The following GPHN variants were observed in gnomAD, a reference collection of about 807,000 sequenced individuals.
GPHN encodes the protein gephyrin.
GPHN carries 17 observed loss-of-function variants against 95.5 expected under a neutral mutation model. The observed-to-expected ratio is 0.18, with a 90% CI of 0.12 to 0.27. The LOEUF is 0.27. Ranked by LOEUF, GPHN falls within the 10% of genes least tolerant of loss-of-function variation. The probability of loss-of-function intolerance (pLI) is 1.00; values close to 1 mark genes in which losing one functional copy is unlikely to be tolerated. For synonymous variants in GPHN, 320 were observed against 322.5 expected (o/e 0.99, Z 0.08); for missense variants, 660 against 978.1 (o/e 0.67, Z 4.34).
chr14:67,208,896 C>CAA, the GPHN span, among the ~76,000 whole-genome samples: 4 of 65,704 alleles, frequency 6.1e-5, no homozygotes, highest in South Asian at 4.9e-4. Flanking sequence ...AACTCTGTCT[C>CAA]AAAAAAAAAA....
chr14:66,931,757 G>A (rs1474549233), intron 8 of GPHN, among the ~76,000 whole-genome samples: 2 of 152,140 alleles, frequency 1.3e-5, no homozygotes, highest in Non-Finnish European at 2.9e-5. Flanking sequence ...ATGATTCTGA[G>A]TTCATTCTCT....
chr14:67,676,454 G>A, the GPHN span, among the ~76,000 whole-genome samples: 242 of 152,150 alleles, frequency 1.6e-3, no homozygotes, highest in Non-Finnish European at 2.6e-3. Context: ...GCCTGGGGCC[G>A]GGTGCTGCGG....
chr14:67,255,166 C>T, the GPHN span, among the ~76,000 whole-genome samples: 38 of 151,724 alleles, frequency 2.5e-4, no homozygotes, highest in African/African-American at 8.0e-4. Context: ...AAAAAAAGTT[C>T]GAATCTCTTA....
chr14:67,641,277 A>T, the GPHN span, among the ~76,000 whole-genome samples: 1 of 152,224 alleles, frequency 6.6e-6, no homozygotes, highest in African/African-American at 2.4e-5. Flanking sequence ...CATCCCTAAG[A>T]TATCTCAATA....
chr14:67,276,743 A>G, the GPHN span, among the ~76,000 whole-genome samples: 2 of 152,134 alleles, frequency 1.3e-5, no homozygotes, highest in Non-Finnish European at 2.9e-5. Flanking sequence ...GGTTATAGAA[A>G]TTTTTCTGAG....
intron 2 of GPHN, among the ~76,000 whole-genome samples, chr14:66,715,432 T>G (rs934557478): frequency 6.6e-6 from 1 of 152,162 alleles, no homozygotes; most frequent in Non-Finnish European, 1.5e-5. Context: ...GAATCAGCTT[T>G]TTGTTTCATT....
At chr14:67,291,373 G>A in the GPHN span, among the ~76,000 whole-genome samples, 16 of 151,856 alleles carry the variant, frequency 1.1e-4, no homozygotes, top group Middle Eastern at 3.2e-3. Context: ...GATTACAGGC[G>A]CCTGCCACTG....
chr14:67,302,269 T>C, the GPHN span: 17 of 1,077,068 alleles, frequency 1.6e-5, no homozygotes, highest in African/African-American at 2.5e-4. Context: ...TAATTACAAT[T>C]ACTCTAGTTG....
intron 2 of GPHN, among the ~76,000 whole-genome samples, 182 bp from the exon 3 acceptor site, chr14:66,776,282 T>C (rs1380709363): frequency 6.6e-6 from 1 of 152,114 alleles, no homozygotes; most frequent in East Asian, 1.9e-4. Flanking sequence ...TAGTCATTCA[T>C]TATCTACCTC....
chr14:66,956,284 C>A (rs1193279385), intron 8 of GPHN, among the ~76,000 whole-genome samples: 1 of 152,116 alleles, frequency 6.6e-6, no homozygotes, highest in Non-Finnish European at 1.5e-5. Flanking sequence ...GTTATGTTTT[C>A]ATTTTTATTT....
the GPHN span, chr14:67,725,213 A>G: frequency 1.9e-5 from 31 of 1,613,850 alleles, no homozygotes; most frequent in Non-Finnish European, 2.5e-5. Flanking sequence ...GACCTATCCG[A>G]CACCAAATCT....
chr14:67,161,952 T>A (rs761292566), intron 19 of GPHN, among the ~76,000 whole-genome samples: 6 of 152,194 alleles, frequency 3.9e-5, no homozygotes, highest in Non-Finnish European at 8.8e-5. Flanking sequence ...TTCCTAACAT[T>A]TTATTTCCTC....
the GPHN span, among the ~76,000 whole-genome samples, chr14:67,259,112 G>A: frequency 6.6e-6 from 1 of 151,700 alleles, no homozygotes; most frequent in Non-Finnish European, 1.5e-5. Context: ...CAAAGTGCTG[G>A]GATTACAGAT....
chr14:67,035,996 A>T (rs2074404125), intron 10 of GPHN, among the ~76,000 whole-genome samples: 1 of 151,968 alleles, frequency 6.6e-6, no homozygotes, highest in Non-Finnish European at 1.5e-5. Flanking sequence ...TCCTCAACAA[A>T]ATACTAGGAA....
At chr14:67,326,208 C>G in the GPHN span, among the ~76,000 whole-genome samples, 1 of 66,040 alleles carries the variant, frequency 1.5e-5, no homozygotes, top group Non-Finnish European at 3.0e-5. Flanking sequence ...CCTAAAATTT[C>G]AATTTAGGTC....
At chr14:66,882,725 A>G (rs191664636) in intron 5 of GPHN, among the ~76,000 whole-genome samples, 1 of 151,882 alleles carries the variant, frequency 6.6e-6, no homozygotes, top group African/African-American at 2.4e-5. Flanking sequence ...TTTTGTTTTT[A>G]GAGTAGGTCT....
the GPHN span, chr14:67,470,641 C>G: frequency 2.6e-5 from 4 of 152,848 alleles, no homozygotes; most frequent in African/African-American, 9.7e-5. Context: ...GAGTGAGGGA[C>G]CAGGACAAAA....
chr14:66,775,098 G>A (rs949793229), intron 2 of GPHN, among the ~76,000 whole-genome samples: 1 of 152,012 alleles, frequency 6.6e-6, no homozygotes, highest in East Asian at 1.9e-4. Context: ...TGTCCCGAGG[G>A]TTTGGTGTAC....
chr14:66,683,575 C>A (rs2067138463), intron 2 of GPHN, among the ~76,000 whole-genome samples: 1 of 136,224 alleles, frequency 7.3e-6, no homozygotes. Context: ...CATAAATGTT[C>A]ACTACTTTTC....
Sources: gnomAD v4.1 joint callset for allele counts (sites outside exome capture counted in the v4.1 genomes callset) on GRCh38, gnomAD v4.1.1 for gene constraint, MANE v1.5 for transcripts, NCBI Gene and HGNC (gene_info 2026-07-23, HGNC 2026-07-21) for gene names.